The following KCNC3 variants were observed in gnomAD, a reference collection of about 807,000 sequenced individuals.
KCNC3 encodes the protein voltage-gated potassium channel KCNC3.
A neutral mutation model predicts 43.9 loss-of-function variants in KCNC3; 22 were observed. The observed-to-expected ratio is 0.50, with a 90% confidence interval of 0.36 to 0.72. The LOEUF (loss-of-function observed/expected upper bound fraction) is 0.72, where lower values mean the gene tolerates loss of function less well. KCNC3 is among the 30% of genes least tolerant of loss of function. The pLI is 0.00. For missense variants in KCNC3, 829 were observed against 1,073.8 expected (o/e 0.77, Z 3.19); for synonymous variants, 492 against 488.0 (o/e 1.01, Z -0.11).
In KCNC3 at chr19:50,328,304, C is replaced by A. The variant is rs2037131531; in HGVS notation, c.779G>T (p.Gly260Val). 13 of 1,149,254 alleles carry A rather than the reference C, an allele frequency of 1.1e-5. No homozygotes were observed. The highest frequency in any genetic ancestry group is 8.3e-5 in the South Asian group (2 of 23,958). The allele number at this position is 1,149,254 out of a possible 1,614,324, so 71.2% of individuals were successfully genotyped here. A position where few individuals can be genotyped will look rare whatever the true frequency, so the allele number is the denominator to read the frequency against. ...CCATGTGCCGCCCGCGCCGCCCGCGCCCCCTGGCGGCCCCCCGGCGCCGCC... is the reference window on the plus strand; with the variant it reads ...CCATGTGCCGCCCGCGCCGCCCGCGACCCCTGGCGGCCCCCCGGCGCCGCC... ...AGGGAGGPPG[G>V]AGGAGGTWWR... is the part of the protein sequence containing the mutation. The change falls in exon 1 of 5, where the codon GGC (glycine) becomes GTC (valine). Residue 260 changes from glycine (G) to valine (V), a missense_variant. By Grantham distance (109) the Gly-to-Val change is moderately radical. Transcript: ENST00000477616.
At chr19:50,325,904 C>T (rs1003783448) in intron 1 of KCNC3, among the ~76,000 whole-genome samples, 4 of 151,960 alleles carry the variant, frequency 2.6e-5, no homozygotes, top group Non-Finnish European at 4.4e-5. Context: ...TTAACTCCTT[C>T]CCTCCCAGGG....
Position 50,323,650 on chromosome 19 carries a change from G to A in KCNC3, c.1303C>T (p.Arg435Cys), listed in dbSNP as rs2037065924. 6.2e-7 allele frequency: 1 copy of A among 1,614,172 alleles called. No individual in the cohort carries two copies. The highest frequency in any genetic ancestry group is 8.5e-7 in the Non-Finnish European group (1 of 1,180,040). The change falls in exon 2 of 5, where the codon CGC becomes TGC. Residue 435 changes from arginine to cysteine, a missense_variant. By Grantham distance (180) the Arg-to-Cys change is radical (BLOSUM62 -3). Transcript: ENST00000477616. The part of the protein sequence containing the change: ...FKLTRHFVGL[R>C]VLGHTLRAST... ...GCGCGGAGCGTGTGTCCCAGCACGCGCAGCCCCACGAAGTGCCGGGTCAGC... is the reference window on the plus strand; with the variant it reads ...GCGCGGAGCGTGTGTCCCAGCACGCACAGCCCCACGAAGTGCCGGGTCAGC...
intron 4 of KCNC3, among the ~76,000 whole-genome samples, chr19:50,317,243 C>G (rs951178313): frequency 6.6e-6 from 1 of 151,872 alleles, no homozygotes; most frequent in Non-Finnish European, 1.5e-5. Flanking sequence ...GGGGATGGAA[C>G]AAGAGGAGCC....
In KCNC3 at chr19:50,316,077, A is replaced by T; in HGVS notation, c.*38T>A. ...GGGACCGAAAGTCTCGCGAGGTCTC[A>T]GGCGGTGACAAGAGCTGGGGACAGA... On this transcript the variant is annotated 3_prime_UTR_variant, in exon 5 of 5. Coordinates refer to ENST00000477616, the MANE Select transcript of KCNC3 (RefSeq NM_004977.3). 2 of 370,428 alleles carry T rather than the reference A, an allele frequency of 5.4e-6. No individual in the cohort carries two copies. The highest frequency in any genetic ancestry group is 1.0e-5 in the Non-Finnish European group (2 of 199,748). The allele number at this position is 370,428 out of a possible 1,614,324, so 22.9% of individuals were successfully genotyped here. A position where few individuals can be genotyped will look rare whatever the true frequency, so the allele number is the denominator to read the frequency against.
At chr19:50,319,992 G>A (rs1168829909) in intron 4 of KCNC3, among the ~76,000 whole-genome samples, 1 of 150,378 alleles carries the variant, frequency 6.6e-6, no homozygotes, top group East Asian at 2.0e-4. Context: ...GAGGGCAGGT[G>A]CAGTGTGGGA....
rs374483062 is a variant in KCNC3, at chr19:50,325,434, T to G, written c.871-1352A>C. ...GGGCCAAGGGCCAGCACTGTCCCTCTGTGCACCCCCCTTCCTCCACAGGGG... is the reference window on the plus strand; with the variant it reads ...GGGCCAAGGGCCAGCACTGTCCCTCGGTGCACCCCCCTTCCTCCACAGGGG... On this transcript the variant is annotated intron_variant, in intron 1 of 4. Transcript: ENST00000477616. Among the ~76,000 whole-genome samples, 325 of 151,964 alleles carry G rather than the reference T, an allele frequency of 2.1e-3. 2 individuals carry two copies. The highest frequency in any genetic ancestry group is 7.1e-3 in the African/African-American group (293 of 41,412).
intron 1 of KCNC3, among the ~76,000 whole-genome samples, chr19:50,326,010 A>G (rs1378005850): frequency 1.3e-5 from 2 of 152,176 alleles, no homozygotes; most frequent in African/African-American, 4.8e-5. Context: ...TGTCAAAAGC[A>G]GAAGGGGTAG....
upstream of KCNC3, among the ~76,000 whole-genome samples, chr19:50,331,050 C>T (rs564186867): frequency 6.6e-6 from 1 of 152,020 alleles, no homozygotes. Context: ...GCCTCCCAAC[C>T]CCATCCCACC....
chr19:50,326,596 A>G (rs892703528), intron 1 of KCNC3, among the ~76,000 whole-genome samples: 10 of 152,132 alleles, frequency 6.6e-5, no homozygotes, highest in Middle Eastern at 3.4e-3. Context: ...TTGGGTACCC[A>G]GGAGCCCAGG....
rs906416808 is a variant in KCNC3 at position 50,314,392 on chromosome 19, ACCCCCGG to A, written c.*1716_*1722del. On this transcript the variant is annotated 3_prime_UTR_variant, in exon 5 of 5. Coordinates refer to ENST00000477616, the MANE Select transcript of KCNC3 (RefSeq NM_004977.3). ...GCTGGAGACCTTAAAGGCCAGCCCGACCCCCGGGAGGTGCCACCCCCTTCCCAGAGTG... is the reference window on the plus strand; with the variant it reads ...GCTGGAGACCTTAAAGGCCAGCCCGAGAGGTGCCACCCCCTTCCCAGAGTG... 2.3e-5 allele frequency: 4 copies of A among 170,674 alleles called. No individual in the cohort carries two copies. Among genetic ancestry groups the A allele is most frequent in the African/African-American group, 9.7e-5 (4 of 41,446 alleles). The allele number at this position is 170,674 out of a possible 1,614,324, so 10.6% of individuals were successfully genotyped here. A position where few individuals can be genotyped will look rare whatever the true frequency, so the allele number is the denominator to read the frequency against.
In KCNC3 at chr19:50,312,511, G is replaced by A. The variant is rs1325876610; in HGVS notation, c.*3604C>T. On this transcript the variant is annotated 3_prime_UTR_variant, in exon 5 of 5. Transcript: ENST00000477616. ...CTGGCGGCCGGGGGGAAAAGGGGGA[G>A]CCGGACTTGGAAAGAGTCCCTTTAG... 6.6e-6 allele frequency: 1 copy of A among 152,272 alleles called. No individual in the cohort carries two copies. The highest frequency in any genetic ancestry group is 1.9e-4 in the East Asian group (1 of 5,186). The allele number at this position is 152,272 out of a possible 1,614,324, so 9.4% of individuals were successfully genotyped here. A position where few individuals can be genotyped will look rare whatever the true frequency, so the allele number is the denominator to read the frequency against.
intron 1 of KCNC3, among the ~76,000 whole-genome samples, chr19:50,326,053 G>A (rs986132650): frequency 6.6e-6 from 1 of 152,166 alleles, no homozygotes; most frequent in Non-Finnish European, 1.5e-5. Context: ...AAGGAAAGGA[G>A]TGATTACGAG....
At chr19:50,322,740 G>A (rs1299098576) in intron 2 of KCNC3, among the ~76,000 whole-genome samples, 5 of 152,004 alleles carry the variant, frequency 3.3e-5, no homozygotes, top group African/African-American at 9.7e-5. Flanking sequence ...CCTCTGCCTC[G>A]CCAGCCCCTC....
chr19:50,328,423 G>A lies in KCNC3; in HGVS notation c.660C>T (p.His220=), dbSNP rs2037134233. 2 of 1,522,986 alleles carry A rather than the reference G, an allele frequency of 1.3e-6. No individual in the cohort carries two copies. The highest frequency in any genetic ancestry group is 1.8e-6 in the Non-Finnish European group (2 of 1,138,650). 94.3% of individuals were successfully genotyped at this position (1,522,986 alleles called of 1,614,324 possible). A position where few individuals can be genotyped will look rare whatever the true frequency, so the allele number is the denominator to read the frequency against. ...AANAANAAGA[H]DGGLDDEAGA... Reference sequence around the variant, plus strand: ...CCGCCTCGTCGTCCAGGCCTCCGTCGTGGGCGCCTGCGGCGTTGGCGGCGT... The same window carrying A: ...CCGCCTCGTCGTCCAGGCCTCCGTCATGGGCGCCTGCGGCGTTGGCGGCGT... Residue 220 remains histidine (H), a synonymous_variant, in exon 1 of 5, where the codon CAC becomes CAT. Transcript: ENST00000477616.
At chr19:50,317,971 G>A (rs1020620532) in intron 4 of KCNC3, among the ~76,000 whole-genome samples, 5 of 151,658 alleles carry the variant, frequency 3.3e-5, no homozygotes, top group Non-Finnish European at 7.4e-5. Context: ...AAGTTTTTTG[G>A]TTTTGAGGAA....
intron 4 of KCNC3, among the ~76,000 whole-genome samples, chr19:50,317,265 C>G (rs570304677): frequency 6.6e-6 from 1 of 152,012 alleles, no homozygotes; most frequent in Non-Finnish European, 1.5e-5. Flanking sequence ...GACAGTCCCC[C>G]CTCTGGACTA....
intron 1 of KCNC3, among the ~76,000 whole-genome samples, chr19:50,326,921 GC>G (rs1482513754): frequency 8.1e-5 from 11 of 136,022 alleles, no homozygotes; most frequent in African/African-American, 2.9e-4. Context: ...GTTTTGCACG[GC>G]GGGGGGGGAG....
chr19:50,325,439 A>AC (rs993300379), intron 1 of KCNC3, among the ~76,000 whole-genome samples: 12 of 151,198 alleles, frequency 7.9e-5, no homozygotes, highest in Non-Finnish European at 1.2e-4. Flanking sequence ...CCCTCTGTGC[A>AC]CCCCCCTTCC....
intron 4 of KCNC3, among the ~76,000 whole-genome samples, chr19:50,319,901 C>T: frequency 6.6e-6 from 1 of 151,328 alleles, no homozygotes; most frequent in Non-Finnish European, 1.5e-5. Flanking sequence ...CCTCCGTTTT[C>T]CTGATTGAAT....
Sources: allele counts gnomAD v4.1 joint callset (sites outside exome capture counted in the v4.1 genomes callset), GRCh38; gene constraint gnomAD v4.1.1; transcripts MANE v1.5; gene names NCBI Gene and HGNC (gene_info 2026-07-23, HGNC 2026-07-21).